ICA1: variants seen among roughly 807,000 people sequenced by gnomAD.
ICA1 encodes the protein islet cell autoantigen 1.
A neutral mutation model predicts 71.0 loss-of-function variants in ICA1; 40 were observed. The ratio of observed to expected loss-of-function variants is 0.56; its 90% CI spans 0.44 to 0.73. ICA1 has a LOEUF of 0.73. Among genes scored for constraint, ICA1 ranks in the 30% least tolerant of loss-of-function variants. ICA1 has a pLI of 0.00. For missense variants in ICA1, 578 were observed against 576.5 expected (o/e 1.00, Z -0.03); for synonymous variants, 207 against 209.5 (o/e 0.99, Z 0.10).
intron 6 of ICA1, among the ~76,000 whole-genome samples, chr7:8,186,832 T>C (rs963494412): frequency 8.5e-5 from 13 of 152,166 alleles, no homozygotes; most frequent in Admixed American, 5.2e-4. Context: ...GAAAACTAGT[T>C]AGAGTTGTAT....
chr7:8,194,766 T>A (rs1019281254), intron 6 of ICA1, among the ~76,000 whole-genome samples: 3 of 152,300 alleles, frequency 2.0e-5, no homozygotes, highest in Non-Finnish European at 4.4e-5. Context: ...ACTTTTTTTT[T>A]ATAAAGAATT....
chr7:8,241,832 A>T (rs1804017758), intron 1 of ICA1, among the ~76,000 whole-genome samples: 1 of 152,250 alleles, frequency 6.6e-6, no homozygotes, highest in African/African-American at 2.4e-5. Flanking sequence ...CCATTACATA[A>T]TGGTAAAGGG....
chr7:8,260,564 A>AT (rs1288086805), intron 1 of ICA1, among the ~76,000 whole-genome samples: 3 of 152,132 alleles, frequency 2.0e-5, no homozygotes, highest in Non-Finnish European at 4.4e-5. Flanking sequence ...CAGTACAATT[A>AT]TTTCCCTTTG....
At chr7:8,141,977 T>A in intron 9 of ICA1, 160 bp from the exon 10 acceptor site, 1 of 1,506,946 alleles carries the variant, frequency 6.6e-7, no homozygotes, top group Non-Finnish European at 8.9e-7. Flanking sequence ...ACATGCCAAT[T>A]TGCTGGCCTT....
chr7:8,154,880 A>C (rs1800950148), intron 8 of ICA1, among the ~76,000 whole-genome samples: 1 of 152,236 alleles, frequency 6.6e-6, no homozygotes, highest in African/African-American at 2.4e-5. Context: ...TCGATCTAAT[A>C]GTGAGTTGTA....
Position 8,223,045 on chromosome 7 carries a change from G to A in ICA1, c.257-1647C>T, listed in dbSNP as rs968401144. On this transcript the variant is annotated intron_variant, in intron 4 of 13. Coordinates refer to ENST00000402384, the MANE Select transcript of ICA1 (RefSeq NM_001136020.3). The surrounding 1 kb of genome is among the most constrained non-coding windows in gnomAD (Gnocchi z 4.1). ...CTTTATTTCAGTTGAAATACTTATT[G>A]CCTTTTAATACTCACGCCATGGTTC... Among the ~76,000 whole-genome samples the A allele has an allele frequency of 6.6e-6, 1 of 152,108 alleles. No homozygotes were observed. Among genetic ancestry groups the A allele is most frequent in the African/African-American group, 2.4e-5 (1 of 41,408 alleles).
chr7:8,229,622 T>G (rs561758596), intron 3 of ICA1, among the ~76,000 whole-genome samples: 3 of 152,342 alleles, frequency 2.0e-5, no homozygotes, highest in African/African-American at 7.2e-5. Flanking sequence ...ATAAAGCACT[T>G]CTACATTTGC....
chr7:8,200,855 G>A (rs1789409615), intron 6 of ICA1, among the ~76,000 whole-genome samples: 1 of 152,136 alleles, frequency 6.6e-6, no homozygotes, highest in South Asian at 2.1e-4. Flanking sequence ...ATTTCTCACT[G>A]TCTATTTCTC....
intron 2 of ICA1, among the ~76,000 whole-genome samples, chr7:8,235,573 T>A (rs963447462): frequency 6.6e-6 from 1 of 151,958 alleles, no homozygotes; most frequent in African/African-American, 2.4e-5. Context: ...GTAACTCTAA[T>A]GTTAGAAGTT....
At chr7:8,171,018 A>G (rs951460142) in intron 6 of ICA1, among the ~76,000 whole-genome samples, 19 of 152,096 alleles carry the variant, frequency 1.2e-4, no homozygotes, top group Admixed American at 9.8e-4. Flanking sequence ...ATCCAAAAAG[A>G]AACCCCATCA....
chr7:8,128,108 A>C lies in ICA1; in HGVS notation c.1095T>G (p.Pro365=). 1 of 1,614,200 alleles carries C rather than the reference A, an allele frequency of 6.2e-7. No homozygotes were observed. The highest frequency in any genetic ancestry group is 8.5e-7 in the Non-Finnish European group (1 of 1,180,028). ...CLGPVAGTPE[P]EGADKDDLLL... ...GCAGGTCATCTTTGTCAGCACCTTC[A>C]GGTTCCGGGGTCCCTGCCACTGGTC... Residue 365 remains proline (P), a synonymous_variant, in exon 13 of 14, where the codon CCT becomes CCG. Coordinates refer to ENST00000402384, the MANE Select transcript of ICA1 (RefSeq NM_001136020.3).
intron 6 of ICA1, among the ~76,000 whole-genome samples, chr7:8,214,723 T>A (rs965736143): frequency 1.3e-5 from 2 of 152,210 alleles, no homozygotes; most frequent in South Asian, 4.1e-4. Context: ...CTTCACAGGG[T>A]GCCAGAAGGA....
At chr7:8,152,078 C>T (rs1015480279) in intron 8 of ICA1, among the ~76,000 whole-genome samples, 1 of 152,126 alleles carries the variant, frequency 6.6e-6, no homozygotes, top group Admixed American at 6.5e-5. Context: ...TCCCAGCCCT[C>T]TTCTATCCCT....
chr7:8,174,610 G>A (rs901747388), intron 6 of ICA1, among the ~76,000 whole-genome samples: 6 of 151,838 alleles, frequency 4.0e-5, no homozygotes, highest in African/African-American at 1.4e-4. Flanking sequence ...CTTGGGCAAC[G>A]TGGCAAAACC....
chr7:8,216,779 T>C lies in ICA1; in HGVS notation c.579+1526A>G, dbSNP rs117967878. Among the ~76,000 whole-genome samples, 1,070 of 152,358 alleles carry C rather than the reference T, an allele frequency of 7.0e-3. 8 individuals are homozygous for C. The highest frequency in any genetic ancestry group is 0.014 in the Middle Eastern group (4 of 294). Reference sequence around the variant, plus strand: ...AGAAAATTATGTGTATTTTGAATGATTCTGACTCTCATTTACCTCTCTGAT... The same window carrying C: ...AGAAAATTATGTGTATTTTGAATGACTCTGACTCTCATTTACCTCTCTGAT... On this transcript the variant is annotated intron_variant, in intron 6 of 13. Coordinates refer to ENST00000402384, the MANE Select transcript of ICA1 (RefSeq NM_001136020.3).
intron 1 of ICA1, among the ~76,000 whole-genome samples, chr7:8,250,075 T>C (rs1807618439): frequency 6.6e-6 from 1 of 152,196 alleles, no homozygotes; most frequent in South Asian, 2.1e-4. Context: ...ACTTGCCTGA[T>C]GAACAGGGGA....
intron 6 of ICA1, among the ~76,000 whole-genome samples, chr7:8,204,149 G>A (rs1445136414): frequency 6.6e-6 from 1 of 152,188 alleles, no homozygotes. Context: ...AGAGGACGTG[G>A]CATGTGCTGG....
At chr7:8,261,939 C>T (rs1707291539) in intron 1 of ICA1, 155 bp downstream of exon 1, 1 of 152,442 alleles carries the variant, frequency 6.6e-6, no homozygotes, top group Admixed American at 6.5e-5. Context: ...GGATCCGGGA[C>T]CCGAGGAGGC....
At chr7:8,201,050 G>A (rs1789474416) in intron 6 of ICA1, among the ~76,000 whole-genome samples, 1 of 152,160 alleles carries the variant, frequency 6.6e-6, no homozygotes, top group Admixed American at 6.5e-5. Context: ...GAGTGACAAT[G>A]CTTGTGTTTT....
Sources: gnomAD v4.1 joint callset for allele counts (sites outside exome capture counted in the v4.1 genomes callset) on GRCh38, gnomAD v4.1.1 for gene constraint, Gnocchi (gnomAD v3.1) non-coding constraint, MANE v1.5 for transcripts, NCBI Gene and HGNC (gene_info 2026-07-23, HGNC 2026-07-21) for gene names.